The following MAML2 variants were observed in gnomAD, a reference collection of about 807,000 sequenced individuals.
MAML2 encodes the protein mastermind like transcriptional coactivator 2.
A neutral mutation model predicts 96.1 loss-of-function variants in MAML2; 22 were observed. The observed-to-expected ratio is 0.23, with a 90% CI of 0.16 to 0.33. MAML2 has a LOEUF of 0.33. Among genes scored for constraint, MAML2 ranks in the 10% least tolerant of loss-of-function variants. The probability of loss-of-function intolerance (pLI) is 1.00; values close to 1 mark genes in which losing one functional copy is unlikely to be tolerated. For synonymous variants in MAML2, 561 were observed against 521.3 expected, an observed-to-expected ratio of 1.08 and a Z score of -1.04; for missense variants, 1,367 against 1,392.4, an observed-to-expected ratio of 0.98 and a Z score of 0.29.
intron 1 of MAML2, among the ~76,000 whole-genome samples, chr11:96,138,909 T>C (rs1013779471): frequency 6.6e-6 from 1 of 152,174 alleles, no homozygotes; most frequent in African/African-American, 2.4e-5. Flanking sequence ...TCTTCTACCA[T>C]AAAATGCTGG....
intron 2 of MAML2, among the ~76,000 whole-genome samples, chr11:96,006,986 A>G (rs550772178): frequency 1.3e-5 from 2 of 151,054 alleles, no homozygotes; most frequent in East Asian, 3.9e-4. Flanking sequence ...AGCCTAAATT[A>G]TTTCTAGATA....
At chr11:96,227,279 T>C (rs1200794780) in intron 1 of MAML2, among the ~76,000 whole-genome samples, 4 of 152,224 alleles carry the variant, frequency 2.6e-5, no homozygotes, top group Non-Finnish European at 4.4e-5. Flanking sequence ...CTAATAGGTA[T>C]ATACTTACCC....
chr11:96,099,180 C>T (rs1050025526), intron 1 of MAML2, among the ~76,000 whole-genome samples: 5 of 152,104 alleles, frequency 3.3e-5, no homozygotes, highest in South Asian at 2.1e-4. Flanking sequence ...AAACTTTCCT[C>T]GGGCTATTTT....
At chr11:96,006,894 C>T (rs923561362) in intron 2 of MAML2, among the ~76,000 whole-genome samples, 4 of 151,486 alleles carry the variant, frequency 2.6e-5, no homozygotes, top group Non-Finnish European at 5.9e-5. Flanking sequence ...CACACACACA[C>T]ACACACACAC....
intron 2 of MAML2, among the ~76,000 whole-genome samples, chr11:96,001,329 C>A (rs1313003021): frequency 1.3e-5 from 2 of 152,120 alleles, no homozygotes; most frequent in Non-Finnish European, 2.9e-5. Flanking sequence ...AGTTTGGTAA[C>A]TCAGGGGAAG....
intron 1 of MAML2, among the ~76,000 whole-genome samples, chr11:96,258,316 A>G (rs1426094868): frequency 6.6e-6 from 1 of 152,228 alleles, no homozygotes; most frequent in African/African-American, 2.4e-5. Flanking sequence ...CTGACATGGG[A>G]GAAAACTACG....
intron 1 of MAML2, among the ~76,000 whole-genome samples, chr11:96,201,423 GA>G (rs1449346332): frequency 6.6e-6 from 1 of 152,212 alleles, no homozygotes; most frequent in African/African-American, 2.4e-5. Context: ...TTTAGATTAA[GA>G]AACAATTACG....
rs1462870342 is a variant in MAML2, at chr11:96,090,143, GT to G, written c.2139+1748del. Among the ~76,000 whole-genome samples, 9 of 152,032 alleles carry G rather than the reference GT, an allele frequency of 5.9e-5. No homozygotes were observed. The East Asian group carries it at 1.7e-3, about 29-fold the overall frequency. On this transcript the variant is annotated intron_variant, in intron 2 of 4. Coordinates refer to ENST00000524717, the MANE Select transcript of MAML2 (RefSeq NM_032427.4). ...ATAATTTCCATTTTTATGGTCAGAA[GT>G]CTGGGCCTAGAAAGGGTAAACTGCA...
chr11:95,981,946 A>T (rs1857746648), intron 4 of MAML2, among the ~76,000 whole-genome samples: 1 of 152,128 alleles, frequency 6.6e-6, no homozygotes, highest in Non-Finnish European at 1.5e-5. Context: ...GAATAGAGAG[A>T]ATTTCCACAA....
At chr11:96,219,613 C>A (rs1376701135) in intron 1 of MAML2, among the ~76,000 whole-genome samples, 1 of 152,112 alleles carries the variant, frequency 6.6e-6, no homozygotes, top group Non-Finnish European at 1.5e-5. Context: ...AACATCTTTT[C>A]TGAGTCTCAG....
intron 2 of MAML2, among the ~76,000 whole-genome samples, chr11:96,072,196 CA>C (rs535438344): frequency 1.3e-4 from 20 of 149,554 alleles, no homozygotes; most frequent in Admixed American, 6.6e-5. Flanking sequence ...GCCCACTTGC[CA>C]AAAAAAAAGC....
At chr11:96,340,209 A>G (rs1360771951) in intron 1 of MAML2, among the ~76,000 whole-genome samples, 2 of 152,234 alleles carry the variant, frequency 1.3e-5, no homozygotes, top group Non-Finnish European at 2.9e-5. Context: ...CTCAATATCA[A>G]GCTCCTTTGG....
intron 1 of MAML2, among the ~76,000 whole-genome samples, chr11:96,225,527 T>G (rs1267944171): frequency 6.6e-6 from 1 of 152,180 alleles, no homozygotes; most frequent in African/African-American, 2.4e-5. Context: ...TTGAGGTAAT[T>G]CATTATTCAG....
intron 2 of MAML2, among the ~76,000 whole-genome samples, chr11:96,047,621 G>A (rs1050230771): frequency 6.6e-6 from 1 of 152,038 alleles, no homozygotes; most frequent in Non-Finnish European, 1.5e-5. Context: ...GTTAAAACTA[G>A]GCTTGTTGGC....
intron 2 of MAML2, among the ~76,000 whole-genome samples, chr11:96,077,356 G>A (rs1053275859): frequency 6.6e-6 from 1 of 151,004 alleles, no homozygotes; most frequent in Non-Finnish European, 1.5e-5. Context: ...AAGCAGTTGG[G>A]ACTACAGGCA....
At chr11:96,078,256 T>A (rs559548305) in intron 2 of MAML2, among the ~76,000 whole-genome samples, 1 of 152,350 alleles carries the variant, frequency 6.6e-6, no homozygotes, top group East Asian at 1.9e-4. Context: ...ACTGAACACA[T>A]CTCTTCTTTT....
chr11:95,979,283 C>G lies in MAML2; in HGVS notation c.3136G>C (p.Gly1046Arg). ...AGCTGATTGGGTCTGAGATTCAGAC[C>G]CCTGAGGGGACCCATGGTTTGCCCA... ...LNGQTMGPLR[G>R]LNLRPNQLST... The change falls in exon 5 of 5, where the codon GGT becomes CGT. Residue 1046 changes from glycine (G) to arginine (R), a missense_variant. Transcript: ENST00000524717. 6.2e-7 allele frequency: 1 copy of G among 1,613,840 alleles called. No homozygotes were observed. Among genetic ancestry groups the G allele is most frequent in the Non-Finnish European group, 8.5e-7 (1 of 1,179,880 alleles).
chr11:95,992,210 A>G (rs1308096655), intron 2 of MAML2, among the ~76,000 whole-genome samples: 4 of 152,208 alleles, frequency 2.6e-5, no homozygotes, highest in African/African-American at 9.6e-5. Context: ...CTGTGACAGA[A>G]AGGCAGGAAG....
chr11:96,100,650 A>G (rs1244287731), intron 1 of MAML2, among the ~76,000 whole-genome samples: 3 of 151,252 alleles, frequency 2.0e-5, no homozygotes, highest in Admixed American at 1.3e-4. Context: ...GAGGAGGCAT[A>G]TTAGATCTTT....
Sources: gnomAD v4.1 joint callset for allele counts (sites outside exome capture counted in the v4.1 genomes callset) on GRCh38, gnomAD v4.1.1 for gene constraint, MANE v1.5 for transcripts, NCBI Gene and HGNC (gene_info 2026-07-23, HGNC 2026-07-21) for gene names.